The following WDR17 variants were observed in gnomAD, a reference collection of about 807,000 sequenced individuals.
The protein encoded by WDR17 is WD repeat domain 17, also known as WD repeat-containing protein 17.
A neutral mutation model predicts 161.7 loss-of-function variants in WDR17; 143 were observed. The ratio of observed to expected loss-of-function variants is 0.88; its 90% CI spans 0.77 to 1.02. The LOEUF is 1.02. Among genes scored for constraint, WDR17 ranks in the 50% least tolerant of loss-of-function variants. WDR17 has a pLI of 0.00. For missense variants in WDR17, 1,469 were observed against 1,520.9 expected, an observed-to-expected ratio of 0.97 and a Z score of 0.57; for synonymous variants, 517 against 515.6, an observed-to-expected ratio of 1.00 and a Z score of -0.04.
chr4:176,178,823 T>G (rs181393104), intron 28 of WDR17, among the ~76,000 whole-genome samples: 109 of 152,340 alleles, frequency 7.2e-4, no homozygotes, highest in African/African-American at 2.4e-3. Context: ...TTGTATTGCA[T>G]CTTGTGTTTT....
intron 26 of WDR17, among the ~76,000 whole-genome samples, chr4:176,176,550 C>G (rs1463790576): frequency 6.6e-6 from 1 of 152,176 alleles, no homozygotes; most frequent in East Asian, 1.9e-4. Flanking sequence ...GGAGGTAACT[C>G]AGTGTCTTAT....
chr4:176,162,544 C>T (rs578221677), intron 21 of WDR17, among the ~76,000 whole-genome samples: 40 of 152,232 alleles, frequency 2.6e-4, no homozygotes, highest in South Asian at 6.2e-4. Flanking sequence ...TCATTTAACC[C>T]TCAGAATCTC....
At chr4:176,106,657 C>A (rs1738774059) in intron 1 of WDR17, among the ~76,000 whole-genome samples, 2 of 152,088 alleles carry the variant, frequency 1.3e-5, no homozygotes, top group Admixed American at 6.5e-5. Context: ...TTTTGTGCAT[C>A]AAAAGAAAAA....
At chr4:176,076,897 C>A (rs1734116893) in intron 1 of WDR17, among the ~76,000 whole-genome samples, 5 of 152,038 alleles carry the variant, frequency 3.3e-5, no homozygotes, top group Admixed American at 3.3e-4. Flanking sequence ...TGATCAATGT[C>A]AAATCTCCTT....
Position 176,171,140 on chromosome 4 carries a change from C to G in WDR17, c.3103-1235C>G, listed in dbSNP as rs148161434. Among the ~76,000 whole-genome samples, 51 of 152,194 alleles carry G rather than the reference C, an allele frequency of 3.4e-4. 1 individual carries two copies. The highest frequency in any genetic ancestry group is 1.2e-3 in the African/African-American group (48 of 41,518). ...CTGAATGCATGTTGCTTTTACACTA[C>G]CATAAAGTCAAAACATAAGTTGGGG... On this transcript the variant is annotated intron_variant, in intron 23 of 28. Transcript: ENST00000508596.
intron 25 of WDR17, 61 bp from the exon 26 acceptor site, chr4:176,174,556 C>T (rs1751186309): frequency 8.4e-7 from 1 of 1,186,936 alleles, no homozygotes; most frequent in Non-Finnish European, 1.2e-6. Context: ...AACTGTGTAT[C>T]AGAGTAATGT....
intron 8 of WDR17, among the ~76,000 whole-genome samples, chr4:176,136,207 A>T (rs922108968): frequency 6.6e-5 from 10 of 151,794 alleles, no homozygotes; most frequent in African/African-American, 1.9e-4. Context: ...AGAATTACAG[A>T]AAAAGGTTTT....
chr4:176,140,017 A>G (rs757566988), intron 10 of WDR17, 43 bp downstream of exon 10: 5 of 1,482,178 alleles, frequency 3.4e-6, no homozygotes, highest in Non-Finnish European at 4.7e-6. Context: ...TACACTGTTT[A>G]TAAAGCACTC....
chr4:176,104,393 T>G (rs1327878737), intron 1 of WDR17, among the ~76,000 whole-genome samples: 1 of 152,104 alleles, frequency 6.6e-6, no homozygotes, highest in African/African-American at 2.4e-5. Context: ...ACAATGCTAT[T>G]GTTTGTTTTC....
At chr4:176,144,618 A>G (rs1745870119) in intron 11 of WDR17, among the ~76,000 whole-genome samples, 1 of 152,218 alleles carries the variant, frequency 6.6e-6, no homozygotes, top group Non-Finnish European at 1.5e-5. Flanking sequence ...CTATATTTTC[A>G]AATGACACTG....
intron 11 of WDR17, among the ~76,000 whole-genome samples, chr4:176,143,637 C>T (rs149863953): frequency 4.4e-4 from 67 of 152,222 alleles, no homozygotes; most frequent in African/African-American, 1.5e-3. Context: ...CATGATTGTG[C>T]CACTGCACTG....
chr4:176,128,690 G>C (rs2126747289), intron 5 of WDR17, 48 bp from the exon 6 acceptor site: 1 of 1,569,688 alleles, frequency 6.4e-7, no homozygotes, highest in Middle Eastern at 1.7e-4. Flanking sequence ...AGGCATTTTA[G>C]TTTCATACAA....
intron 11 of WDR17, among the ~76,000 whole-genome samples, chr4:176,143,185 G>A (rs376882569): frequency 1.3e-5 from 2 of 152,248 alleles, no homozygotes; most frequent in South Asian, 2.1e-4. Flanking sequence ...GGCCTTACAC[G>A]CTGTTAAGGT....
chr4:176,153,202 A>G (rs1056326648), intron 17 of WDR17, among the ~76,000 whole-genome samples: 2 of 152,172 alleles, frequency 1.3e-5, no homozygotes, highest in African/African-American at 4.8e-5. Context: ...CTGGAATCTT[A>G]ACTTCTTACA....
intron 10 of WDR17, among the ~76,000 whole-genome samples, 163 bp from the exon 11 acceptor site, chr4:176,141,819 TA>T (rs1745316273): frequency 6.6e-6 from 1 of 152,256 alleles, no homozygotes; most frequent in African/African-American, 2.4e-5. Flanking sequence ...AATATACTTA[TA>T]ATTGGTAACA....
chr4:176,128,960 A>G, intron 6 of WDR17, 100 bp downstream of exon 6: 1 of 1,101,326 alleles, frequency 9.1e-7, no homozygotes, highest in Non-Finnish European at 1.2e-6. Flanking sequence ...ATGCCACTGA[A>G]AAGCAATTTT....
At chr4:176,089,557 G>A (rs78409595) in intron 1 of WDR17, among the ~76,000 whole-genome samples, 1,754 of 152,198 alleles carry the variant, frequency 0.012, 32 homozygotes, top group African/African-American at 0.04. Flanking sequence ...TTGTATGTAT[G>A]AGTGCTGAGT....
rs193136112 is a variant in WDR17, at chr4:176,162,242, A to G, written c.2850+68A>G. 5,632 of 1,406,164 alleles carry G rather than the reference A, an allele frequency of 4.0e-3. 14 individuals are homozygous for G. Among genetic ancestry groups the G allele is most frequent in the Non-Finnish European group, 5.0e-3 (5,106 of 1,014,470 alleles). The allele number at this position is 1,406,164 out of a possible 1,614,324, so 87.1% of individuals were successfully genotyped here. A position where few individuals can be genotyped will look rare whatever the true frequency, so the allele number is the denominator to read the frequency against. ...AGATATGTCATGGTGTTTGAGAGGA[A>G]AAGATATGGTGACTTTCTATGTGAG... On this transcript the variant is annotated intron_variant, in intron 21 of 28. Coordinates refer to ENST00000508596, the MANE Select transcript of WDR17 (RefSeq NM_181265.4).
At chr4:176,098,561 C>T (rs918155947) in intron 1 of WDR17, among the ~76,000 whole-genome samples, 1 of 151,794 alleles carries the variant, frequency 6.6e-6, no homozygotes, top group African/African-American at 2.4e-5. Flanking sequence ...AGTAACAATT[C>T]ATGCTGACTA....
Sources: gnomAD v4.1 joint callset for allele counts (sites outside exome capture counted in the v4.1 genomes callset) on GRCh38, gnomAD v4.1.1 for gene constraint, MANE v1.5 for transcripts, NCBI Gene and HGNC (gene_info 2026-07-23, HGNC 2026-07-21) for gene names.